The following CYP7B1 variants were observed in gnomAD, a reference collection of about 807,000 sequenced individuals.
CYP7B1 encodes the protein cytochrome P450 family 7 subfamily B member 1, also known as cytochrome P450 7B1.
Under a neutral mutation model 42.7 loss-of-function variants are expected in CYP7B1, and 29 were observed. The ratio of observed to expected loss-of-function variants is 0.68; its 90% CI spans 0.51 to 0.93. The LOEUF (loss-of-function observed/expected upper bound fraction) is 0.93. Ranked by LOEUF, CYP7B1 falls within the 40% of genes least tolerant of loss-of-function variation. CYP7B1 has a pLI of 0.00. For missense variants in CYP7B1, 655 were observed against 600.5 expected, an observed-to-expected ratio of 1.09 and a Z score of -0.95; for synonymous variants, 235 against 218.2, an observed-to-expected ratio of 1.08 and a Z score of -0.68.
At chr8:64,614,735 C>A (rs1325397996) in intron 4 of CYP7B1, among the ~76,000 whole-genome samples, 2 of 152,194 alleles carry the variant, frequency 1.3e-5, no homozygotes, top group African/African-American at 4.8e-5. Context: ...AGCACATCAA[C>A]AGATGCTCAG....
At chr8:64,729,349 C>T (rs1025918336) in intron 1 of CYP7B1, among the ~76,000 whole-genome samples, 1 of 152,166 alleles carries the variant, frequency 6.6e-6, no homozygotes, top group South Asian at 2.1e-4. Flanking sequence ...CACATTCATG[C>T]ACACACAATC....
Position 64,798,452 on chromosome 8 carries a change from G to T in CYP7B1, c.122+14C>A. 6.6e-7 allele frequency: 1 copy of T among 1,508,878 alleles called. No individual in the cohort carries two copies. The highest frequency in any genetic ancestry group is 1.2e-5 in the South Asian group (1 of 81,234). 93.5% of individuals were successfully genotyped at this position (1,508,878 alleles called of 1,614,324 possible). On this transcript the variant is annotated intron_variant, in intron 1 of 5. Coordinates refer to ENST00000310193, the MANE Select transcript of CYP7B1 (RefSeq NM_004820.5). ...CCCAGGGCGCATGCGTGGCCTGGCG[G>T]CCGAGGCGCTTACCTGGTGCGCCGG...
chr8:64,615,012 TA>T lies in CYP7B1; in HGVS notation c.1057+13del. The T allele has an allele frequency of 6.2e-6, 10 of 1,612,868 alleles. No homozygotes were observed. The highest frequency in any genetic ancestry group is 8.5e-6 in the Non-Finnish European group (10 of 1,179,144). On this transcript the variant is annotated intron_variant, in intron 4 of 5. Coordinates refer to ENST00000310193, the MANE Select transcript of CYP7B1 (RefSeq NM_004820.5). ...GGTACCTTCTTTTCTTCATAACAGATAAAAATAAATTACCTAGGCAGATTAG... is the reference window on the plus strand; with the variant it reads ...GGTACCTTCTTTTCTTCATAACAGATAAAATAAATTACCTAGGCAGATTAG...
chr8:64,694,701 T>C (rs891845700), intron 1 of CYP7B1, among the ~76,000 whole-genome samples: 3 of 152,234 alleles, frequency 2.0e-5, no homozygotes, highest in Non-Finnish European at 2.9e-5. Flanking sequence ...TTTACTGTAT[T>C]TTGTGGAAGT....
intron 1 of CYP7B1, among the ~76,000 whole-genome samples, chr8:64,756,216 T>C (rs540205734): frequency 1.3e-5 from 2 of 152,302 alleles, no homozygotes; most frequent in Admixed American, 6.5e-5. Context: ...TGGTCTTCAA[T>C]GTGGAGGCAG....
chr8:64,659,178 C>T (rs1806164459), intron 1 of CYP7B1, among the ~76,000 whole-genome samples: 1 of 152,134 alleles, frequency 6.6e-6, no homozygotes, highest in African/African-American at 2.4e-5. Flanking sequence ...TGGTATTTTA[C>T]TAAACCACGG....
Position 64,798,528 on chromosome 8 carries a change from C to T in CYP7B1, c.60G>A (p.Pro20=). The change falls in exon 1 of 6, where the codon CCG becomes CCA. Residue 20 remains proline, a synonymous_variant. Transcript: ENST00000310193. The part of the protein sequence containing the change: ...GRFSLERLGL[P]GLALAAALLL... ...GCAGGGCCGCGGCGAGGGCCAGGCC[C>T]GGGAGGCCCAACCGCTCCAGCGAAA... The T allele has an allele frequency of 4.7e-6, 7 of 1,501,498 alleles. No homozygotes were observed. Among genetic ancestry groups the T allele is most frequent in the Non-Finnish European group, 6.2e-6 (7 of 1,134,174 alleles). 93.0% of individuals were successfully genotyped at this position (1,501,498 alleles called of 1,614,324 possible).
chr8:64,747,788 C>T (rs926572910), intron 1 of CYP7B1, among the ~76,000 whole-genome samples: 5 of 152,014 alleles, frequency 3.3e-5, no homozygotes, highest in African/African-American at 1.2e-4. Flanking sequence ...ATTAGATTAT[C>T]ACATAAAAGC....
At chr8:64,652,234 G>A (rs1248328479) in intron 1 of CYP7B1, among the ~76,000 whole-genome samples, 3 of 151,944 alleles carry the variant, frequency 2.0e-5, no homozygotes, top group Non-Finnish European at 2.9e-5. Context: ...CCATATCCAC[G>A]ATACACCTGG....
At chr8:64,616,339 A>C in intron 2 of CYP7B1, 58 bp from the exon 3 acceptor site, 1 of 1,069,078 alleles carries the variant, frequency 9.4e-7, no homozygotes, top group Non-Finnish European at 1.4e-6. Context: ...AACAGAAATA[A>C]ACACCACAAA....
In CYP7B1 at chr8:64,725,841, AG is replaced by A. The variant is rs1276094517; in HGVS notation, c.122+72624del. Among the ~76,000 whole-genome samples, 7 of 152,228 alleles carry A rather than the reference AG, an allele frequency of 4.6e-5. No homozygotes were observed. The South Asian group carries it at 1.0e-3, about 23-fold the overall frequency. On this transcript the variant is annotated intron_variant, in intron 1 of 5. Transcript: ENST00000310193. ...TAATCTAGATTCTGATCAGCTGCCT[AG>A]TATCTCTTCTCCTTCATCATGCCCT...
chr8:64,612,960 T>C (rs1451305216), intron 4 of CYP7B1, among the ~76,000 whole-genome samples: 1 of 152,174 alleles, frequency 6.6e-6, no homozygotes, highest in Admixed American at 6.6e-5. Flanking sequence ...TTATTTGTTG[T>C]GTAACTAATT....
chr8:64,641,687 C>A (rs1054054516), intron 1 of CYP7B1, among the ~76,000 whole-genome samples: 1 of 152,068 alleles, frequency 6.6e-6, no homozygotes, highest in Non-Finnish European at 1.5e-5. Context: ...ACTGTTTCTC[C>A]GGGTAAAAGC....
intron 1 of CYP7B1, among the ~76,000 whole-genome samples, chr8:64,645,370 C>G (rs2129631073): frequency 6.6e-6 from 1 of 152,206 alleles, no homozygotes; most frequent in East Asian, 1.9e-4. Context: ...AGTTTACAGT[C>G]CAACCAACAG....
rs2129630213 is a variant in CYP7B1, at chr8:64,616,006, C to G, written c.535G>C (p.Glu179Gln). 1 of 1,613,666 alleles carries G rather than the reference C, an allele frequency of 6.2e-7. No homozygotes were observed. Among genetic ancestry groups the G allele is most frequent in the Admixed American group, 1.7e-5 (1 of 59,932 alleles). ...ATTGAGCTGCAGAATGGATACAGTT[C>G]TGCCGTGTCCCAACTTGTGGTTTTT... Reference protein sequence around the residue: ...LLKTTSWDTAELYPFCSSIIF... With the variant: ...LLKTTSWDTAQLYPFCSSIIF... Residue 179 changes from glutamate to glutamine, a missense_variant, in exon 3 of 6, where the codon GAA becomes CAA. By Grantham distance (29) the Glu-to-Gln change is conservative. Transcript: ENST00000310193.
At chr8:64,736,678 T>C (rs917254120) in intron 1 of CYP7B1, among the ~76,000 whole-genome samples, 2 of 152,110 alleles carry the variant, frequency 1.3e-5, no homozygotes, top group Admixed American at 1.3e-4. Flanking sequence ...CTCGAACTCC[T>C]GACCTCGTGA....
chr8:64,773,503 A>T (rs1804270965), intron 1 of CYP7B1, among the ~76,000 whole-genome samples: 1 of 152,226 alleles, frequency 6.6e-6, no homozygotes, highest in Admixed American at 6.5e-5. Context: ...TGCAAAAAAT[A>T]ACAGTACAAC....
chr8:64,662,724 A>G (rs1159864589), intron 1 of CYP7B1, among the ~76,000 whole-genome samples: 2 of 152,242 alleles, frequency 1.3e-5, no homozygotes, highest in Non-Finnish European at 2.9e-5. Flanking sequence ...CTATGTGGTT[A>G]CAAGTCCTTA....
At chr8:64,745,882 C>A (rs1280151919) in intron 1 of CYP7B1, among the ~76,000 whole-genome samples, 1 of 152,176 alleles carries the variant, frequency 6.6e-6, no homozygotes, top group African/African-American at 2.4e-5. Context: ...GCTGGTTCAT[C>A]ATCTAAAGCG....
Sources: allele counts gnomAD v4.1 joint callset (sites outside exome capture counted in the v4.1 genomes callset), GRCh38; gene constraint gnomAD v4.1.1; transcripts MANE v1.5; gene names NCBI Gene and HGNC (gene_info 2026-07-23, HGNC 2026-07-21).